CCSER1: variants seen among roughly 807,000 people sequenced by gnomAD.
CCSER1 encodes serine-rich coiled-coil domain-containing protein 1.
Under a neutral mutation model 82.0 loss-of-function variants are expected in CCSER1, and 41 were observed. The ratio of observed to expected loss-of-function variants is 0.50; its 90% CI spans 0.39 to 0.65. The LOEUF (loss-of-function observed/expected upper bound fraction) is 0.65, where lower values mean the gene tolerates loss of function less well. Ranked by LOEUF, CCSER1 falls within the 30% of genes least tolerant of loss-of-function variation. CCSER1 has a pLI of 0.00. For synonymous variants in CCSER1, 414 were observed against 383.9 expected (o/e 1.08, Z -0.92); for missense variants, 1,119 against 1,064.2 (o/e 1.05, Z -0.72).
intron 9 of CCSER1, among the ~76,000 whole-genome samples, chr4:90,933,621 AT>A (rs1244312684): frequency 6.6e-6 from 1 of 152,108 alleles, no homozygotes; most frequent in East Asian, 1.9e-4. Context: ...ACTAAAAAGA[AT>A]TTATGTAATT....
intron 6 of CCSER1, among the ~76,000 whole-genome samples, chr4:90,721,328 C>T (rs1282606254): frequency 1.3e-5 from 2 of 151,596 alleles, no homozygotes; most frequent in African/African-American, 4.8e-5. Context: ...TTAGAATAGG[C>T]TTCTTATGAC....
chr4:90,582,605 TC>T (rs909978581), intron 5 of CCSER1, among the ~76,000 whole-genome samples: 1 of 152,218 alleles, frequency 6.6e-6, no homozygotes, highest in African/African-American at 2.4e-5. Context: ...AAACACAGGT[TC>T]TTAAGAAGAA....
At chr4:90,169,084 G>C (rs566820858) in intron 1 of CCSER1, among the ~76,000 whole-genome samples, 3 of 151,916 alleles carry the variant, frequency 2.0e-5, no homozygotes, top group Non-Finnish European at 1.5e-5. Context: ...CCATGTTCAC[G>C]ATATTGATTC....
intron 7 of CCSER1, among the ~76,000 whole-genome samples, chr4:90,734,835 C>CT (rs1745391243): frequency 6.6e-6 from 1 of 152,102 alleles, no homozygotes; most frequent in South Asian, 2.1e-4. Flanking sequence ...TCTGATTGCT[C>CT]TAGCTAGGAC....
At chr4:90,999,533 G>A (rs1737803815) in intron 9 of CCSER1, among the ~76,000 whole-genome samples, 1 of 152,072 alleles carries the variant, frequency 6.6e-6, no homozygotes, top group Admixed American at 6.6e-5. Flanking sequence ...ATCTTCTTTT[G>A]AGAAGTGTCT....
rs568630653 is a variant in CCSER1, at chr4:91,170,743, A to T, written c.2217+84749A>T. Among the ~76,000 whole-genome samples, 7 of 152,324 alleles carry T rather than the reference A, an allele frequency of 4.6e-5. No individual in the cohort carries two copies. The East Asian group carries it at 1.3e-3, about 29-fold the overall frequency. On this transcript the variant is annotated intron_variant, in intron 10 of 10. Transcript: ENST00000509176. ...CTTTATTAGTGAGTTGGAGAAATTC[A>T]TACCACTTAATTGTCCCCTGATTTT...
Position 90,556,854 on chromosome 4 carries a change from GTA to G in CCSER1, c.1725-71155_1725-71154del, listed in dbSNP as rs56675984. Reference sequence around the variant, plus strand: ...AAGGAACAACTGTATATCTATATGTGTATATATATATATATATGGACATATAA... The same window carrying G: ...AAGGAACAACTGTATATCTATATGTGTATATATATATATATGGACATATAA... On this transcript the variant is annotated intron_variant, in intron 5 of 10. Coordinates refer to ENST00000509176, the MANE Select transcript of CCSER1 (RefSeq NM_001145065.2). Among the ~76,000 whole-genome samples the G allele has an allele frequency of 7.5e-3, 1,101 of 145,852 alleles. 21 individuals are homozygous for G. The highest frequency in any genetic ancestry group is 0.025 in the African/African-American group (993 of 39,818).
intron 3 of CCSER1, among the ~76,000 whole-genome samples, chr4:90,318,619 G>A (rs376436924): frequency 1.3e-5 from 2 of 151,718 alleles, no homozygotes; most frequent in African/African-American, 4.8e-5. Flanking sequence ...TTAATTTTTT[G>A]GTATGTTGAA....
chr4:91,302,054 A>T (rs1209749172), intron 10 of CCSER1, among the ~76,000 whole-genome samples: 1 of 151,752 alleles, frequency 6.6e-6, no homozygotes, highest in East Asian at 1.9e-4. Flanking sequence ...GCTTAATAAT[A>T]ACTCAGTTCC....
chr4:90,644,461 T>TAA (rs1727126682), intron 6 of CCSER1, among the ~76,000 whole-genome samples: 1 of 151,228 alleles, frequency 6.6e-6, no homozygotes, highest in Admixed American at 6.6e-5. Context: ...TGTATTTTTT[T>TAA]TATTTAATTT....
chr4:91,159,028 G>T (rs1038628986), intron 10 of CCSER1, among the ~76,000 whole-genome samples: 5 of 151,704 alleles, frequency 3.3e-5, no homozygotes, highest in Non-Finnish European at 2.9e-5. Context: ...AGTACAGCTC[G>T]GATCATATTT....
At chr4:91,230,776 T>G (rs532672580) in intron 10 of CCSER1, among the ~76,000 whole-genome samples, 1 of 151,694 alleles carries the variant, frequency 6.6e-6, no homozygotes, top group East Asian at 1.9e-4. Flanking sequence ...CAGAAGACAA[T>G]GAATCACAAG....
intron 10 of CCSER1, among the ~76,000 whole-genome samples, chr4:91,532,261 T>C (rs1456664560): frequency 2.0e-5 from 3 of 152,202 alleles, no homozygotes; most frequent in East Asian, 1.9e-4. Flanking sequence ...TTTCTGACCA[T>C]CTTTAACAAT....
intron 1 of CCSER1, among the ~76,000 whole-genome samples, chr4:90,296,348 T>C (rs1392129374): frequency 6.6e-6 from 1 of 151,952 alleles, no homozygotes; most frequent in Non-Finnish European, 1.5e-5. Context: ...ATGGGGTTGT[T>C]TTTTTTCTTG....
At chr4:90,443,817 G>T (rs1029397709) in intron 4 of CCSER1, among the ~76,000 whole-genome samples, 1 of 151,756 alleles carries the variant, frequency 6.6e-6, no homozygotes, top group Non-Finnish European at 1.5e-5. Flanking sequence ...CCTTCATGAG[G>T]TTTAAATTTC....
chr4:91,139,772 A>G (rs144136002), intron 10 of CCSER1, among the ~76,000 whole-genome samples: 133 of 152,328 alleles, frequency 8.7e-4, no homozygotes, highest in Non-Finnish European at 1.4e-3. Context: ...TACATTTGTA[A>G]TCAACAAAAA....
chr4:91,457,270 A>G (rs1430891332), intron 10 of CCSER1, among the ~76,000 whole-genome samples: 1 of 152,200 alleles, frequency 6.6e-6, no homozygotes, highest in African/African-American at 2.4e-5. Flanking sequence ...CTGAAAATAC[A>G]TGTTTTAACA....
At chr4:91,563,129 G>GT (rs753350071) in intron 10 of CCSER1, among the ~76,000 whole-genome samples, 9 of 151,378 alleles carry the variant, frequency 5.9e-5, no homozygotes, top group Non-Finnish European at 1.3e-4. Flanking sequence ...TTCTCAAATG[G>GT]TTCCAAAATA....
intron 1 of CCSER1, among the ~76,000 whole-genome samples, chr4:90,281,629 A>G (rs904684622): frequency 6.6e-6 from 1 of 152,040 alleles, no homozygotes; most frequent in Non-Finnish European, 1.5e-5. Flanking sequence ...TGAAACTATT[A>G]CCATATGTAG....
Sources: allele counts gnomAD v4.1 joint callset (sites outside exome capture counted in the v4.1 genomes callset), GRCh38; gene constraint gnomAD v4.1.1; transcripts MANE v1.5; gene names NCBI Gene and HGNC (gene_info 2026-07-23, HGNC 2026-07-21).